Variants in MYO3B observed in about 807,000 individuals in gnomAD.
MYO3B encodes the protein myosin IIIB, also known as myosin-IIIb.
Under a neutral mutation model 174.6 loss-of-function variants are expected in MYO3B, and 156 were observed. The ratio of observed to expected loss-of-function variants is 0.89; its 90% CI spans 0.78 to 1.02. The LOEUF (loss-of-function observed/expected upper bound fraction) is 1.02. Among genes scored for constraint, MYO3B ranks in the 50% least tolerant of loss-of-function variants. The pLI is 0.00. For synonymous variants in MYO3B, 563 were observed against 569.1 expected, an observed-to-expected ratio of 0.99 and a Z score of 0.15; for missense variants, 1,632 against 1,639.4, an observed-to-expected ratio of 1.00 and a Z score of 0.08.
intron 25 of MYO3B, among the ~76,000 whole-genome samples, chr2:170,479,959 G>GTA (rs1236753555): frequency 6.8e-6 from 1 of 147,380 alleles, no homozygotes; most frequent in African/African-American, 2.5e-5. Context: ...CCATATATGT[G>GTA]TATATATGTA....
intron 24 of MYO3B, 114 bp from the exon 25 acceptor site, chr2:170,466,392 C>T (rs1684631666): frequency 1.1e-6 from 1 of 880,786 alleles, no homozygotes; most frequent in Non-Finnish European, 1.8e-6. Flanking sequence ...TCATGTTCTT[C>T]CTCAAGAAGG....
chr2:170,575,391 G>A (rs940689433), intron 32 of MYO3B, among the ~76,000 whole-genome samples: 1 of 151,942 alleles, frequency 6.6e-6, no homozygotes, highest in East Asian at 1.9e-4. Context: ...AGGCTTTTTG[G>A]GTCTTAAGGT....
At chr2:170,254,433 G>T (rs904049262) in intron 7 of MYO3B, among the ~76,000 whole-genome samples, 1 of 151,916 alleles carries the variant, frequency 6.6e-6, no homozygotes, top group East Asian at 1.9e-4. Context: ...TGCGGGACTC[G>T]GGGGGGCGCA....
At chr2:170,602,206 T>C in intron 32 of MYO3B, 1 of 1,206,656 alleles carries the variant, frequency 8.3e-7, no homozygotes, top group Admixed American at 1.7e-5. Flanking sequence ...GCCTCTCGGC[T>C]TCTTAGGGTC....
At chr2:170,250,237 C>T (rs1426814619) in intron 7 of MYO3B, among the ~76,000 whole-genome samples, 1 of 152,158 alleles carries the variant, frequency 6.6e-6, no homozygotes, top group East Asian at 1.9e-4. Flanking sequence ...ACTGTTAAAA[C>T]ATGTTATTTA....
At chr2:170,310,723 C>T (rs1277320832) in intron 7 of MYO3B, among the ~76,000 whole-genome samples, 1 of 141,654 alleles carries the variant, frequency 7.1e-6, no homozygotes, top group Non-Finnish European at 1.5e-5. Context: ...GGCAGTACAA[C>T]TTGAAGGTGG....
intron 7 of MYO3B, among the ~76,000 whole-genome samples, chr2:170,322,952 C>A (rs1559386433): frequency 6.6e-6 from 1 of 152,040 alleles, no homozygotes; most frequent in Non-Finnish European, 1.5e-5. Context: ...CTGAGGTCTG[C>A]CCTGATTTTT....
intron 1 of MYO3B, among the ~76,000 whole-genome samples, chr2:170,191,147 G>A (rs1024479095): frequency 3.3e-5 from 5 of 151,918 alleles, no homozygotes; most frequent in Middle Eastern, 3.4e-3. Flanking sequence ...AGAGGAGATA[G>A]GGCCTCAGGA....
At chr2:170,189,644 T>A (rs2092514902) in intron 1 of MYO3B, among the ~76,000 whole-genome samples, 1 of 152,120 alleles carries the variant, frequency 6.6e-6, no homozygotes, top group Non-Finnish European at 1.5e-5. Context: ...GCATGTCAGT[T>A]GAATTTTTCC....
At chr2:170,636,281 G>T (rs1221128775) in intron 32 of MYO3B, among the ~76,000 whole-genome samples, 1 of 152,110 alleles carries the variant, frequency 6.6e-6, no homozygotes, top group Non-Finnish European at 1.5e-5. Context: ...TGACTGCCTG[G>T]CCCTACTCTC....
At chr2:170,263,855 T>A (rs879433918) in intron 7 of MYO3B, among the ~76,000 whole-genome samples, 9 of 152,188 alleles carry the variant, frequency 5.9e-5, no homozygotes, top group Non-Finnish European at 1.2e-4. Context: ...GCACAGACCC[T>A]TTACCGGTAT....
intron 1 of MYO3B, among the ~76,000 whole-genome samples, chr2:170,194,720 G>T (rs1415621640): frequency 2.6e-5 from 4 of 152,130 alleles, no homozygotes; most frequent in Admixed American, 1.3e-4. Context: ...TTATTAAGGA[G>T]AATTGACTCA....
At chr2:170,417,458 G>T (rs72876364) in intron 22 of MYO3B, among the ~76,000 whole-genome samples, 9,489 of 152,236 alleles carry the variant, frequency 0.062, 327 homozygotes, top group South Asian at 0.084. Context: ...AAAGTTGAAG[G>T]CCAAGTCTGG....
At chr2:170,434,503 A>G (rs1045699336) in intron 22 of MYO3B, among the ~76,000 whole-genome samples, 2 of 152,114 alleles carry the variant, frequency 1.3e-5, no homozygotes, top group Non-Finnish European at 2.9e-5. Context: ...CCTATTGGCT[A>G]GGGTTAGACC....
chr2:170,369,505 T>C (rs1223243579), intron 9 of MYO3B, 128 bp downstream of exon 9: 4 of 1,032,598 alleles, frequency 3.9e-6, no homozygotes, highest in Middle Eastern at 2.2e-4. Flanking sequence ...TTTATTTACA[T>C]GACATTAAGT....
intron 17 of MYO3B, 60 bp downstream of exon 17, chr2:170,400,374 G>A: frequency 8.7e-6 from 13 of 1,500,484 alleles, no homozygotes; most frequent in Non-Finnish European, 1.2e-5. Flanking sequence ...TTTAGGCTCT[G>A]TAAAATATAA....
At chr2:170,455,027 G>A (rs1025197164) in intron 23 of MYO3B, among the ~76,000 whole-genome samples, 5 of 152,038 alleles carry the variant, frequency 3.3e-5, no homozygotes, top group African/African-American at 9.7e-5. Flanking sequence ...ATCGAGTGCC[G>A]GGTCTGTAAA....
At chr2:170,234,685 C>T (rs150475434) in intron 6 of MYO3B, among the ~76,000 whole-genome samples, 35 of 152,272 alleles carry the variant, frequency 2.3e-4, no homozygotes, top group African/African-American at 7.5e-4. Flanking sequence ...CTCTTCACCC[C>T]AAACCTGCCC....
chr2:170,588,517 G>A (rs183593544), intron 32 of MYO3B, among the ~76,000 whole-genome samples: 74 of 152,304 alleles, frequency 4.9e-4, no homozygotes, highest in Non-Finnish European at 8.8e-4. Context: ...TCCTCTTCCA[G>A]GATGCCCTCC....
Sources: gnomAD v4.1 joint callset for allele counts (sites outside exome capture counted in the v4.1 genomes callset) on GRCh38, gnomAD v4.1.1 for gene constraint, MANE v1.5 for transcripts, NCBI Gene and HGNC (gene_info 2026-07-23, HGNC 2026-07-21) for gene names.